The following RBMS3 variants were observed in gnomAD, a reference collection of about 807,000 sequenced individuals.
RBMS3 encodes the protein RNA-binding motif, single-stranded-interacting protein 3.
Under a neutral mutation model 66.8 loss-of-function variants are expected in RBMS3, and 27 were observed. The observed-to-expected ratio is 0.40, with a 90% CI of 0.30 to 0.56. The LOEUF is 0.56. Among genes scored for constraint, RBMS3 ranks in the 20% least tolerant of loss-of-function variants. The pLI, the probability that RBMS3 is intolerant of heterozygous loss-of-function variation, is 0.40. For synonymous variants in RBMS3, 188 were observed against 183.0 expected (o/e 1.03, Z -0.22); for missense variants, 513 against 549.5 (o/e 0.93, Z 0.66).
intron 5 of RBMS3, among the ~76,000 whole-genome samples, chr3:29,749,207 T>C (rs2055066235): frequency 6.6e-6 from 1 of 152,174 alleles, no homozygotes; most frequent in African/African-American, 2.4e-5. Flanking sequence ...CTTTAGAGAC[T>C]CATAGATAGG....
chr3:29,319,574 A>G (rs1368930553), intron 1 of RBMS3, among the ~76,000 whole-genome samples: 1 of 151,980 alleles, frequency 6.6e-6, no homozygotes, highest in African/African-American at 2.4e-5. Context: ...TTTACACGGT[A>G]CCTCATTTAA....
chr3:29,854,213 A>G (rs923145302), intron 6 of RBMS3, among the ~76,000 whole-genome samples: 8 of 152,190 alleles, frequency 5.3e-5, no homozygotes, highest in Non-Finnish European at 1.2e-4. Context: ...AGCAGCCAGC[A>G]CTGAGGTCGG....
In RBMS3 at chr3:29,972,485, AC is replaced by A. The variant is rs536114442; in HGVS notation, c.1099-15656del. 7.4e-4 allele frequency among the ~76,000 whole-genome samples: 112 copies of A among 152,000 alleles called. No individual in the cohort carries two copies. The Middle Eastern group carries it at 0.014, about 18-fold the overall frequency. On this transcript the variant is annotated intron_variant, in intron 12 of 14. Transcript: ENST00000383767. ...ATTTTCTCCCTGTCTTCATTTGCTC[AC>A]CACCCATCTTGGATCAACCTCTAAT... is the stretch of plus-strand genomic sequence containing the variant.
chr3:29,801,835 C>G (rs997131040), intron 6 of RBMS3, among the ~76,000 whole-genome samples: 1 of 152,112 alleles, frequency 6.6e-6, no homozygotes, highest in African/African-American at 2.4e-5. Flanking sequence ...TATACCACTT[C>G]TCTTTACCAG....
intron 2 of RBMS3, among the ~76,000 whole-genome samples, chr3:29,457,739 A>G (rs1271893106): frequency 1.3e-5 from 2 of 151,998 alleles, no homozygotes; most frequent in African/African-American, 2.4e-5. Flanking sequence ...AGATTCTTAC[A>G]GTTCTTGCAT....
chr3:29,713,820 C>G lies in RBMS3; in HGVS notation c.400-25900C>G, dbSNP rs374834529. On this transcript the variant is annotated intron_variant, in intron 4 of 14. Transcript: ENST00000383767. Reference sequence around the variant, plus strand: ...CAGTAATCCCAGCACTTTGGGAGGCCGAAGTGGGTAGATCACTTAAGTTTA... The same window carrying G: ...CAGTAATCCCAGCACTTTGGGAGGCGGAAGTGGGTAGATCACTTAAGTTTA... Among the ~76,000 whole-genome samples the G allele has an allele frequency of 3.1e-4, 47 of 152,102 alleles. 1 individual carries two copies. The East Asian group carries it at 7.2e-3, about 23-fold the overall frequency.
At chr3:29,413,360 A>T (rs1404480722) in intron 1 of RBMS3, among the ~76,000 whole-genome samples, 2 of 149,588 alleles carry the variant, frequency 1.3e-5, no homozygotes, top group Non-Finnish European at 3.0e-5. Context: ...AGAGAGTGAA[A>T]CTCCATCTCA....
At chr3:29,575,258 T>C (rs1486918623) in intron 3 of RBMS3, among the ~76,000 whole-genome samples, 1 of 152,066 alleles carries the variant, frequency 6.6e-6, no homozygotes, top group Non-Finnish European at 1.5e-5. Flanking sequence ...GATATCTTTG[T>C]CGGATATACT....
chr3:29,967,232 TTCTC>T (rs1351643654), intron 12 of RBMS3, among the ~76,000 whole-genome samples: 4 of 152,202 alleles, frequency 2.6e-5, no homozygotes, highest in African/African-American at 9.6e-5. Context: ...GGTTCCTTCT[TTCTC>T]TATCTTGTGG....
intron 1 of RBMS3, among the ~76,000 whole-genome samples, chr3:29,345,217 T>C (rs2036503599): frequency 6.6e-6 from 1 of 152,218 alleles, no homozygotes; most frequent in Non-Finnish European, 1.5e-5. Flanking sequence ...GGGGCAGCAA[T>C]TTGCATTATT....
intron 3 of RBMS3, among the ~76,000 whole-genome samples, chr3:29,496,670 C>A (rs1253895366): frequency 1.3e-5 from 2 of 152,148 alleles, no homozygotes; most frequent in Non-Finnish European, 2.9e-5. Context: ...AATTAGCTTT[C>A]CAAACTTATT....
chr3:29,309,116 A>G (rs2034212710), intron 1 of RBMS3, among the ~76,000 whole-genome samples: 1 of 151,754 alleles, frequency 6.6e-6, no homozygotes, highest in Non-Finnish European at 1.5e-5. Flanking sequence ...GCAGAGGTTG[A>G]CCAGTACTTT....
chr3:29,641,490 G>A (rs1047940708), intron 4 of RBMS3, among the ~76,000 whole-genome samples: 27 of 152,066 alleles, frequency 1.8e-4, no homozygotes, highest in African/African-American at 4.6e-4. Flanking sequence ...TTTCATACAC[G>A]TTTTAATGTA....
chr3:29,308,203 TAG>T (rs2034134133), intron 1 of RBMS3, among the ~76,000 whole-genome samples: 1 of 151,844 alleles, frequency 6.6e-6, no homozygotes, highest in African/African-American at 2.4e-5. Flanking sequence ...TAACTTCTCA[TAG>T]AGTTACAAAC....
At chr3:29,287,119 G>A (rs918023398) in intron 1 of RBMS3, among the ~76,000 whole-genome samples, 1 of 152,120 alleles carries the variant, frequency 6.6e-6, no homozygotes, top group Non-Finnish European at 1.5e-5. Context: ...GAGGATATGT[G>A]TTGCTATTTT....
chr3:29,575,370 A>T (rs938487895), intron 3 of RBMS3, among the ~76,000 whole-genome samples: 2 of 151,750 alleles, frequency 1.3e-5, no homozygotes, highest in Non-Finnish European at 2.9e-5. Context: ...CTGTTACCAG[A>T]TGTATTACAG....
intron 6 of RBMS3, among the ~76,000 whole-genome samples, chr3:29,774,817 C>T (rs2056362618): frequency 6.6e-6 from 1 of 151,876 alleles, no homozygotes; most frequent in African/African-American, 2.4e-5. Flanking sequence ...CCACTCTTCT[C>T]TTTTTTATTC....
intron 2 of RBMS3, among the ~76,000 whole-genome samples, chr3:29,456,498 A>G (rs9861677): frequency 0.62 from 93,822 of 152,058 alleles, 30,187 homozygotes; most frequent in African/African-American, 0.78. Flanking sequence ...TCCGGAGAAC[A>G]ATCCTCTGCA....
At chr3:29,753,288 G>A (rs998824643) in intron 5 of RBMS3, among the ~76,000 whole-genome samples, 40 of 152,070 alleles carry the variant, frequency 2.6e-4, no homozygotes, top group Non-Finnish European at 3.7e-4. Context: ...ATTGAATCCC[G>A]GGTCCCCCAG....
Sources: allele counts gnomAD v4.1 joint callset (sites outside exome capture counted in the v4.1 genomes callset), GRCh38; gene constraint gnomAD v4.1.1; transcripts MANE v1.5; gene names NCBI Gene and HGNC (gene_info 2026-07-23, HGNC 2026-07-21).